ZNF385D: variants seen among roughly 807,000 people sequenced by gnomAD.
ZNF385D encodes the protein zinc finger protein 659.
In ZNF385D, 15 loss-of-function variants were observed where a neutral mutation model predicts 35.8. The observed-to-expected ratio is 0.42, with a 90% CI of 0.28 to 0.64. The LOEUF (loss-of-function observed/expected upper bound fraction) is 0.64. Ranked by LOEUF, ZNF385D falls within the 30% of genes least tolerant of loss-of-function variation. The pLI is 0.23. For missense variants in ZNF385D, 474 were observed against 494.6 expected, an observed-to-expected ratio of 0.96 and a Z score of 0.39; for synonymous variants, 212 against 186.8, an observed-to-expected ratio of 1.13 and a Z score of -1.10.
At chr3:22,239,028 A>G (rs2125310650) in intron 2 of ZNF385D, among the ~76,000 whole-genome samples, 1 of 151,100 alleles carries the variant, frequency 6.6e-6, no homozygotes, top group African/African-American at 2.4e-5. Context: ...TACTGGGATC[A>G]TAGGCTTTAG....
At chr3:22,024,819 G>C (rs1047481477) in intron 3 of ZNF385D, among the ~76,000 whole-genome samples, 1 of 152,132 alleles carries the variant, frequency 6.6e-6, no homozygotes, top group Non-Finnish European at 1.5e-5. Flanking sequence ...TGAACAAAGT[G>C]ATGAAAGAAA....
intron 2 of ZNF385D, among the ~76,000 whole-genome samples, chr3:22,183,422 A>G (rs1373913358): frequency 6.6e-6 from 1 of 152,056 alleles, no homozygotes; most frequent in East Asian, 1.9e-4. Flanking sequence ...CAGTGGTGCA[A>G]TCTTGGCTCA....
intron 2 of ZNF385D, among the ~76,000 whole-genome samples, chr3:21,587,327 G>C (rs2063840782): frequency 6.6e-6 from 1 of 152,172 alleles, no homozygotes; most frequent in African/African-American, 2.4e-5. Flanking sequence ...TAATAGTCCA[G>C]CTGAAAAATA....
At chr3:22,075,891 T>C (rs1165305173) in intron 3 of ZNF385D, among the ~76,000 whole-genome samples, 1 of 151,916 alleles carries the variant, frequency 6.6e-6, no homozygotes. Flanking sequence ...GTAAATACCA[T>C]CATAATCCAT....
chr3:22,008,111 C>A lies in ZNF385D; in HGVS notation c.325+160706G>T, dbSNP rs980292066. ...CTTTTTACATGATGATTTAGTTGACCCTTTATTATTATTTTTTAAACCATC... is the reference window on the plus strand; with the variant it reads ...CTTTTTACATGATGATTTAGTTGACACTTTATTATTATTTTTTAAACCATC... On this transcript the variant is annotated intron_variant, in intron 3 of 5. Coordinates refer to the ZNF385D transcript ENST00000494108. Among the ~76,000 whole-genome samples the A allele has an allele frequency of 2.6e-5, 4 of 151,934 alleles. No homozygotes were observed. The South Asian group carries it at 6.2e-4, about 24-fold the overall frequency.
At chr3:21,482,741 T>C (rs1471826261) in intron 4 of ZNF385D, among the ~76,000 whole-genome samples, 1 of 152,200 alleles carries the variant, frequency 6.6e-6, no homozygotes, top group East Asian at 1.9e-4. Flanking sequence ...GTACCTAGGA[T>C]GTCTTAGTCC....
At chr3:22,279,717 T>A (rs1701640030) in intron 2 of ZNF385D, among the ~76,000 whole-genome samples, 1 of 151,766 alleles carries the variant, frequency 6.6e-6, no homozygotes, top group South Asian at 2.1e-4. Flanking sequence ...GCCATATTTT[T>A]ACAATTATGA....
At chr3:21,982,161 G>A (rs1337483759) in intron 3 of ZNF385D, among the ~76,000 whole-genome samples, 3 of 151,240 alleles carry the variant, frequency 2.0e-5, no homozygotes, top group Admixed American at 2.0e-4. Context: ...AATTGCTGTG[G>A]GCAGTATAGC....
At chr3:22,086,822 C>T (rs567324400) in intron 3 of ZNF385D, among the ~76,000 whole-genome samples, 12 of 152,150 alleles carry the variant, frequency 7.9e-5, no homozygotes, top group Middle Eastern at 3.4e-3. Context: ...TCTGAGCAAA[C>T]TATTGCAAGG....
At chr3:21,738,655 T>G (rs935325544) in intron 1 of ZNF385D, among the ~76,000 whole-genome samples, 1 of 152,152 alleles carries the variant, frequency 6.6e-6, no homozygotes. Context: ...AATATGAACA[T>G]TTACTAATCA....
At chr3:21,995,895 T>A (rs563784353) in intron 3 of ZNF385D, among the ~76,000 whole-genome samples, 1 of 152,194 alleles carries the variant, frequency 6.6e-6, no homozygotes, top group East Asian at 1.9e-4. Context: ...GGGGCAGCTT[T>A]CCCAGTGTGC....
rs534710298 is a variant in ZNF385D, at chr3:21,838,344, AT to A, written c.326-173317del. Reference sequence around the variant, plus strand: ...ATCTGGGAGATAAGTATAGTTATGTATGGTATATATGCTAAAAACAAAGGTG... The same window carrying A: ...ATCTGGGAGATAAGTATAGTTATGTAGGTATATATGCTAAAAACAAAGGTG... On this transcript the variant is annotated intron_variant, in intron 3 of 5. Coordinates refer to the ZNF385D transcript ENST00000494108. 1.8e-3 allele frequency among the ~76,000 whole-genome samples: 270 copies of A among 152,248 alleles called. 2 individuals carry two copies. Among genetic ancestry groups the A allele is most frequent in the African/African-American group, 6.3e-3 (262 of 41,568 alleles).
rs34889320 is a variant in ZNF385D at position 22,300,388 on chromosome 3, A to AT, written c.106+72061dup. On this transcript the variant is annotated intron_variant, in intron 2 of 5. Coordinates refer to the ZNF385D transcript ENST00000494108. ...CTGACATTGATTGGTCTGGGCAATG[A>AT]TTTTTTTTTTTTTTGGATATAACCC... Among the ~76,000 whole-genome samples, 177 of 147,294 alleles carry AT rather than the reference A, an allele frequency of 1.2e-3. 1 individual carries two copies. Among genetic ancestry groups the AT allele is most frequent in the East Asian group, 4.0e-3 (20 of 5,018 alleles).
intron 2 of ZNF385D, among the ~76,000 whole-genome samples, chr3:22,298,456 TATA>T (rs912879425): frequency 1.1e-4 from 14 of 125,714 alleles, no homozygotes; most frequent in Admixed American, 2.5e-4. Context: ...AATATTTATA[TATA>T]ATATATAAAT....
chr3:22,347,511 C>A (rs559116523), intron 2 of ZNF385D, among the ~76,000 whole-genome samples: 1 of 152,296 alleles, frequency 6.6e-6, no homozygotes, highest in South Asian at 2.1e-4. Flanking sequence ...ATCAGAAAAA[C>A]TGCACAGTTT....
At chr3:21,671,624 T>A (rs752717305) in intron 1 of ZNF385D, among the ~76,000 whole-genome samples, 1 of 152,122 alleles carries the variant, frequency 6.6e-6, no homozygotes, top group Non-Finnish European at 1.5e-5. Context: ...CTGATACAAA[T>A]AGCTTTTGAA....
In ZNF385D at chr3:21,903,489, G is replaced by T. The variant is rs1033513933; in HGVS notation, c.326-238461C>A. ...CAGTATCATCTCAGGCAGTCAAAAG[G>T]CCAAGTATCTAAACAAGTATTGTAT... On this transcript the variant is annotated intron_variant, in intron 3 of 5. Transcript: ENST00000494108. Among the ~76,000 whole-genome samples, 5 of 152,202 alleles carry T rather than the reference G, an allele frequency of 3.3e-5. No homozygotes were observed. In the East Asian group the frequency reaches 7.7e-4, roughly 24 times the overall value.
At chr3:21,489,860 A>G (rs905228899) in intron 4 of ZNF385D, among the ~76,000 whole-genome samples, 3 of 152,092 alleles carry the variant, frequency 2.0e-5, no homozygotes, top group Non-Finnish European at 4.4e-5. Flanking sequence ...TGAAGGGCAT[A>G]CCAATCTTCT....
At chr3:21,468,672 TC>T (rs1218003453) in intron 4 of ZNF385D, among the ~76,000 whole-genome samples, 1 of 152,102 alleles carries the variant, frequency 6.6e-6, no homozygotes, top group Non-Finnish European at 1.5e-5. Context: ...ACGCCTGTAA[TC>T]CCAGCACTTT....
Sources: gnomAD v4.1 joint callset for allele counts (sites outside exome capture counted in the v4.1 genomes callset) on GRCh38, gnomAD v4.1.1 for gene constraint, MANE v1.5 for transcripts, NCBI Gene and HGNC (gene_info 2026-07-23, HGNC 2026-07-21) for gene names.